Variants in KIF26B observed in about 807,000 individuals in gnomAD.
KIF26B encodes the protein kinesin-like protein KIF26B.
A neutral mutation model predicts 151.2 loss-of-function variants in KIF26B; 63 were observed. The observed-to-expected ratio is 0.42, with a 90% CI of 0.34 to 0.51. The LOEUF (loss-of-function observed/expected upper bound fraction) is 0.51. KIF26B is among the 20% of genes least tolerant of loss of function. The pLI, the probability that KIF26B is intolerant of heterozygous loss-of-function variation, is 0.07. For missense variants in KIF26B, 2,813 were observed against 2,913.6 expected (o/e 0.97, Z 0.79); for synonymous variants, 1,357 against 1,262.1 (o/e 1.08, Z -1.59).
chr1:245,561,905 C>T (rs1296781192), intron 5 of KIF26B, among the ~76,000 whole-genome samples: 6 of 152,150 alleles, frequency 3.9e-5, no homozygotes, highest in East Asian at 3.9e-4. Flanking sequence ...GGTGGTCCTG[C>T]CTCTTCTCAG....
chr1:245,270,927 G>A (rs777956641), intron 2 of KIF26B, among the ~76,000 whole-genome samples: 4 of 152,164 alleles, frequency 2.6e-5, no homozygotes, highest in Non-Finnish European at 5.9e-5. Flanking sequence ...TTTGAGTTGA[G>A]GTTTATGTAT....
intron 2 of KIF26B, among the ~76,000 whole-genome samples, chr1:245,203,353 A>G (rs1573705976): frequency 6.6e-6 from 1 of 152,194 alleles, no homozygotes; most frequent in Non-Finnish European, 1.5e-5. Flanking sequence ...TGCCACAAGA[A>G]TGTTTTTGGA....
At chr1:245,184,912 C>T (rs1668974155) in intron 2 of KIF26B, among the ~76,000 whole-genome samples, 1 of 152,194 alleles carries the variant, frequency 6.6e-6, no homozygotes. Flanking sequence ...GTCTTGCTTG[C>T]ACTGCAGAAG....
chr1:245,483,295 C>T (rs1425092232), intron 4 of KIF26B, among the ~76,000 whole-genome samples: 1 of 151,870 alleles, frequency 6.6e-6, no homozygotes, highest in African/African-American at 2.4e-5. Flanking sequence ...TTTTCATCCT[C>T]ACGGGTTCTG....
rs988106001 is a variant in KIF26B at position 245,330,055 on chromosome 1, G to T, written c.466-36779G>T. Among the ~76,000 whole-genome samples the T allele has an allele frequency of 5.3e-5, 8 of 152,158 alleles. 1 individual carries two copies. Among genetic ancestry groups the T allele is most frequent in the Middle Eastern group, 3.4e-3 (1 of 294 alleles). Reference sequence around the variant, plus strand: ...CCTCTGGGCTCAACCGATCTGAAGTGCAAAGATTACAGGAGTGAGCCACTG... The same window carrying T: ...CCTCTGGGCTCAACCGATCTGAAGTTCAAAGATTACAGGAGTGAGCCACTG... On this transcript the variant is annotated intron_variant, in intron 2 of 14. Transcript: ENST00000407071.
chr1:245,270,438 G>T (rs4658736), intron 2 of KIF26B, among the ~76,000 whole-genome samples: 73,640 of 140,710 alleles, frequency 0.52, 18,371 homozygotes, highest in East Asian at 0.63. Flanking sequence ...CTTTCTTTTT[G>T]TGTTTCTATA....
intron 2 of KIF26B, among the ~76,000 whole-genome samples, chr1:245,173,349 AATGTT>A (rs146321908): frequency 0.013 from 1,982 of 152,220 alleles, 44 homozygotes; most frequent in African/African-American, 0.045. Flanking sequence ...ATGAGAGGTC[AATGTT>A]ATGTTGTTTT....
At chr1:245,177,911 T>C (rs1668838407) in intron 2 of KIF26B, among the ~76,000 whole-genome samples, 1 of 152,044 alleles carries the variant, frequency 6.6e-6, no homozygotes, top group African/African-American at 2.4e-5. Context: ...GTTTTTTGTT[T>C]AGAGAGAAGG....
In KIF26B at chr1:245,520,114, TGAGAGAGAGAGA is replaced by T. The variant is rs10650644; in HGVS notation, c.1167-20631_1167-20620del. ...AACTAAAATTAAATACTCAACTAAC[TGAGAGAGAGAGA>T]GAGAGAGAGAGAGAGAGAGAGCCCT... is the stretch of plus-strand genomic sequence containing the variant. On this transcript the variant is annotated intron_variant, in intron 4 of 14. Transcript: ENST00000407071. Among the ~76,000 whole-genome samples, 8 of 132,458 alleles carry T rather than the reference TGAGAGAGAGAGA, an allele frequency of 6.0e-5. No homozygotes were observed. The East Asian group carries it at 6.7e-4, about 11-fold the overall frequency. 86.9% of individuals were successfully genotyped at this position (132,458 alleles called of 152,430 possible).
At chr1:245,299,719 G>A (rs74581601) in intron 2 of KIF26B, among the ~76,000 whole-genome samples, 149 of 152,238 alleles carry the variant, frequency 9.8e-4, no homozygotes, top group African/African-American at 3.5e-3. Context: ...GCTTATCTGC[G>A]GGGTCCACAT....
intron 4 of KIF26B, among the ~76,000 whole-genome samples, chr1:245,493,870 G>T (rs1660456612): frequency 6.6e-6 from 1 of 152,218 alleles, no homozygotes; most frequent in Non-Finnish European, 1.5e-5. Flanking sequence ...CTGGGAGGAA[G>T]AGACAGAAAA....
At chr1:245,361,376 A>G (rs1244116810) in intron 2 of KIF26B, among the ~76,000 whole-genome samples, 1 of 152,032 alleles carries the variant, frequency 6.6e-6, no homozygotes, top group African/African-American at 2.4e-5. Context: ...GACATTTAAC[A>G]TTTCCTCCTC....
rs61734434 is a variant in KIF26B at position 245,702,539 on chromosome 1, G to T, written c.6260G>T (p.Arg2087Leu). Residue 2087 changes from arginine (R) to leucine (L), a missense_variant, in exon 15 of 15, where the codon CGT becomes CTT. Physicochemically the swap from Arg to Leu is moderately radical, Grantham distance 102. Around this residue, in one of 3 missense-constraint regions of KIF26B, gnomAD observed 2,060 missense variants for 2,088.6 expected, o/e 0.99. Coordinates refer to ENST00000407071, the MANE Select transcript of KIF26B (RefSeq NM_018012.4). This position sits in a 1 kb window ranked among gnomAD's most constrained non-coding sequence, Gnocchi z 4.1. ...TGTGTGACGGAGCGCCTGGAGAGCC[G>T]TGTCAACTTCTGCAAGGCCCATCTC... The part of the protein sequence containing the change: ...LECVTERLES[R>L]VNFCKAHLMM... 2 of 1,613,954 alleles carry T rather than the reference G, an allele frequency of 1.2e-6. No homozygotes were observed. The highest frequency in any genetic ancestry group is 1.7e-6 in the Non-Finnish European group (2 of 1,179,882).
intron 2 of KIF26B, among the ~76,000 whole-genome samples, chr1:245,158,838 T>TTGTGTGTG (rs10656316): frequency 2.0e-5 from 3 of 148,936 alleles, no homozygotes; most frequent in Non-Finnish European, 3.0e-5. Flanking sequence ...TGAATAATAA[T>TTGTGTGTG]TGTGTGTGTG....
intron 4 of KIF26B, among the ~76,000 whole-genome samples, chr1:245,505,571 G>A (rs1660715296): frequency 6.6e-6 from 1 of 152,008 alleles, no homozygotes; most frequent in East Asian, 1.9e-4. Flanking sequence ...TTGTAGTAGA[G>A]ACGGGGTTTC....
At chr1:245,155,570 C>T (rs1668415109) in intron 1 of KIF26B, 83 bp downstream of exon 1, 16 of 1,279,110 alleles carry the variant, frequency 1.3e-5, no homozygotes, top group Non-Finnish European at 1.6e-5. Context: ...TCGTGCGGCC[C>T]CGGCCCCGAG....
At chr1:245,660,906 G>T (rs2044128962) in intron 10 of KIF26B, among the ~76,000 whole-genome samples, 1 of 151,828 alleles carries the variant, frequency 6.6e-6, no homozygotes, top group Admixed American at 6.6e-5. Flanking sequence ...GCCTTGACCT[G>T]CTGGGCTCAA....
intron 4 of KIF26B, among the ~76,000 whole-genome samples, chr1:245,493,222 G>A (rs563010615): frequency 6.6e-6 from 1 of 152,062 alleles, no homozygotes; most frequent in Admixed American, 6.6e-5. Context: ...TTACATAAAG[G>A]GTACCCTAGA....
chr1:245,326,007 A>G (rs188195516), intron 2 of KIF26B, among the ~76,000 whole-genome samples: 1 of 152,292 alleles, frequency 6.6e-6, no homozygotes, highest in East Asian at 1.9e-4. Flanking sequence ...AACATTGTCA[A>G]CTGGATTTGA....
Sources: gnomAD v4.1 joint callset for allele counts (sites outside exome capture counted in the v4.1 genomes callset) on GRCh38, gnomAD v4.1.1 for gene constraint, gnomAD v4.1.1 regional missense constraint, Gnocchi (gnomAD v3.1) non-coding constraint, MANE v1.5 for transcripts, NCBI Gene and HGNC (gene_info 2026-07-23, HGNC 2026-07-21) for gene names.